ANKRD62: variants seen among roughly 807,000 people sequenced by gnomAD.
The protein encoded by ANKRD62 is ankyrin repeat domain-containing protein 62.
Under a neutral mutation model 98.8 loss-of-function variants are expected in ANKRD62, and 61 were observed. The observed-to-expected ratio is 0.62, with a 90% CI of 0.50 to 0.76. The LOEUF (loss-of-function observed/expected upper bound fraction) is 0.76. ANKRD62 is among the 30% of genes least tolerant of loss of function. The pLI is 0.00. For missense variants in ANKRD62, 933 were observed against 1,082.9 expected, an observed-to-expected ratio of 0.86 and a Z score of 1.94; for synonymous variants, 341 against 367.9, an observed-to-expected ratio of 0.93 and a Z score of 0.84.
chr18:12,145,098 G>A, the ANKRD62 span, among the ~76,000 whole-genome samples: 1 of 151,986 alleles, frequency 6.6e-6, no homozygotes, highest in Non-Finnish European at 1.5e-5. Flanking sequence ...AGCCGAGATT[G>A]CACCATGTTT....
the ANKRD62 span, among the ~76,000 whole-genome samples, chr18:12,151,039 A>G: frequency 6.6e-6 from 1 of 152,232 alleles, no homozygotes; most frequent in Admixed American, 6.5e-5. Flanking sequence ...TCTTCAAGAA[A>G]CGTGTCTAAC....
chr18:12,117,718 G>A (rs2143922131), intron 10 of ANKRD62, among the ~76,000 whole-genome samples: 1 of 152,300 alleles, frequency 6.6e-6, no homozygotes, highest in South Asian at 2.1e-4. Flanking sequence ...TATCTGTCGA[G>A]ATGATTCTGT....
chr18:12,093,914 C>T lies in ANKRD62; in HGVS notation c.-104C>T. On this transcript the variant is annotated 5_prime_UTR_variant, in exon 1 of 14. Coordinates refer to ENST00000587848, the MANE Select transcript of ANKRD62 (RefSeq NM_001277333.2). ...GTCCCTGACGGAGGTTGCGGCTGGA[C>T]CTGGTTACGTGCTGGTGCTGCGCTC... The T allele has an allele frequency of 1.7e-6, 2 of 1,146,100 alleles. No homozygotes were observed. The allele number at this position is 1,146,100 out of a possible 1,614,324, so 71.0% of individuals were successfully genotyped here. A position where few individuals can be genotyped will look rare whatever the true frequency, so the allele number is the denominator to read the frequency against.
Position 12,128,470 on chromosome 18 carries a change from T to C in ANKRD62, c.*531T>C, listed in dbSNP as rs1163641078. The stretch of plus-strand genomic sequence containing the variant: ...TTTGCCAACATGTATGTGTCTACTT[T>C]CTCTTGCTTAAAACAAAAACAAAAA... On this transcript the variant is annotated 3_prime_UTR_variant, in exon 14 of 14. Coordinates refer to ENST00000587848, the MANE Select transcript of ANKRD62 (RefSeq NM_001277333.2). The C allele has an allele frequency of 5.3e-5, 8 of 152,268 alleles. No individual in the cohort carries two copies. The highest frequency in any genetic ancestry group is 1.2e-4 in the Non-Finnish European group (8 of 68,050). 9.4% of individuals were successfully genotyped at this position (152,268 alleles called of 1,614,324 possible).
chr18:12,121,255 C>A (rs2143927452), intron 10 of ANKRD62, among the ~76,000 whole-genome samples: 1 of 152,246 alleles, frequency 6.6e-6, no homozygotes, highest in East Asian at 1.9e-4. Flanking sequence ...AAACAGAATT[C>A]TTTTTGTTCT....
the ANKRD62 span, among the ~76,000 whole-genome samples, chr18:12,156,059 T>C: frequency 3.3e-5 from 5 of 149,474 alleles, no homozygotes; most frequent in African/African-American, 1.2e-4. Flanking sequence ...CTCTCTCTCT[T>C]TCTCTCTCTC....
downstream of ANKRD62, among the ~76,000 whole-genome samples, chr18:12,133,971 A>G (rs1568068861): frequency 6.6e-6 from 1 of 152,094 alleles, no homozygotes; most frequent in Non-Finnish European, 1.5e-5. Context: ...TACCCAAATA[A>G]TTTCCCACTT....
the ANKRD62 span, among the ~76,000 whole-genome samples, chr18:12,157,313 G>A: frequency 6.6e-6 from 1 of 152,074 alleles, no homozygotes; most frequent in Non-Finnish European, 1.5e-5. Context: ...AAGTAACCAC[G>A]ACCATGATCA....
rs1568057099 is a variant in ANKRD62 at position 12,095,595 on chromosome 18, T to C, written c.492T>C (p.Ile164=). 1 of 1,521,308 alleles carries C rather than the reference T, an allele frequency of 6.6e-7. No individual in the cohort carries two copies. Among genetic ancestry groups the C allele is most frequent in the Non-Finnish European group, 8.8e-7 (1 of 1,138,958 alleles). The allele number at this position is 1,521,308 out of a possible 1,614,324, so 94.2% of individuals were successfully genotyped here. Residue 164 remains isoleucine (I), a synonymous_variant, in exon 3 of 14, where the codon ATT becomes ATC. Transcript: ENST00000587848. ...ARKLLAYGAD[I]EARSQDGHTS... is the part of the protein sequence containing the mutation. ...AACTGCTTGCATATGGTGCAGATATTGAAGCAAGAAGCCAGGTATGATCAA... is the reference window on the plus strand; with the variant it reads ...AACTGCTTGCATATGGTGCAGATATCGAAGCAAGAAGCCAGGTATGATCAA...
At chr18:12,107,737 A>G (rs1311217619) in intron 8 of ANKRD62, among the ~76,000 whole-genome samples, 2 of 152,200 alleles carry the variant, frequency 1.3e-5, no homozygotes, top group Non-Finnish European at 2.9e-5. Context: ...ATCTTTATTG[A>G]AGGGTAGTTC....
chr18:12,169,526 C>T, the ANKRD62 span, among the ~76,000 whole-genome samples: 1 of 152,194 alleles, frequency 6.6e-6, no homozygotes, highest in African/African-American at 2.4e-5. Context: ...CTGCTGGTTT[C>T]TGTTTGCCAG....
At chr18:12,123,892 T>A (rs919017141) in intron 11 of ANKRD62, among the ~76,000 whole-genome samples, 8 of 152,210 alleles carry the variant, frequency 5.3e-5, no homozygotes, top group Non-Finnish European at 7.4e-5. Context: ...GCTAACAATT[T>A]TCAACATCCT....
chr18:12,167,667 G>A, the ANKRD62 span, among the ~76,000 whole-genome samples: 12 of 152,262 alleles, frequency 7.9e-5, no homozygotes, highest in African/African-American at 2.9e-4. Flanking sequence ...AGGATCACTA[G>A]GTCAAATGGT....
Position 12,127,760 on chromosome 18 carries a change from C to A in ANKRD62, c.2575C>A (p.Gln859Lys). 1 of 1,414,512 alleles carries A rather than the reference C, an allele frequency of 7.1e-7. No individual in the cohort carries two copies. Among genetic ancestry groups the A allele is most frequent in the South Asian group, 1.7e-5 (1 of 60,208 alleles). The allele number at this position is 1,414,512 out of a possible 1,614,324, so 87.6% of individuals were successfully genotyped here. A position where few individuals can be genotyped will look rare whatever the true frequency, so the allele number is the denominator to read the frequency against. Residue 859 changes from glutamine (Q) to lysine (K), a missense_variant, in exon 14 of 14, where the codon CAG becomes AAG. Gln to Lys is a moderately conservative substitution (Grantham distance 53). This residue lies in a region of ANKRD62 where 362 missense variants were observed against 434.5 expected (regional missense o/e 0.83). Coordinates refer to ENST00000587848, the MANE Select transcript of ANKRD62 (RefSeq NM_001277333.2). ...AACATCTTACCAGGTAGTCAGGAGA[C>A]AGCTTCAACGAGAAGTGGATGATGC... The part of the protein sequence containing the change: ...EKEEREVVRR[Q>K]LQREVDDALN...
the ANKRD62 span, among the ~76,000 whole-genome samples, chr18:12,151,683 C>T: frequency 1.3e-5 from 2 of 152,124 alleles, no homozygotes; most frequent in African/African-American, 4.8e-5. Context: ...ATCAACCTCA[C>T]AGCTCGCAGA....
At chr18:12,161,704 C>T in the ANKRD62 span, among the ~76,000 whole-genome samples, 3 of 152,084 alleles carry the variant, frequency 2.0e-5, no homozygotes, top group Admixed American at 2.0e-4. Context: ...CTCTGGCAAC[C>T]ATCCTTCTAC....
At position 12,107,323 on chromosome 18, in the gene ANKRD62, A is replaced by T. The variant is rs1909435634; in HGVS notation, c.920A>T (p.Asn307Ile). Residue 307 changes from asparagine to isoleucine, a missense_variant, in exon 8 of 14, where the codon AAT becomes ATT. Asn to Ile is a moderately radical substitution (Grantham distance 149). This residue lies in a region of ANKRD62 where 549 missense variants were observed against 587.9 expected (regional missense o/e 0.93). Transcript: ENST00000587848. ...GAAGAAAAAATGAAGAAATGCAGAA[A>T]TAAGAAAATGGAAGTGTCAAGAAAC... Reference protein sequence around the residue: ...QVEEKMKKCRNKKMEVSRNVH... With the variant: ...QVEEKMKKCRIKKMEVSRNVH... 1.3e-6 allele frequency: 2 copies of T among 1,494,054 alleles called. No individual in the cohort carries two copies. The highest frequency in any genetic ancestry group is 2.8e-5 in the African/African-American group (2 of 71,190). 92.5% of individuals were successfully genotyped at this position (1,494,054 alleles called of 1,614,324 possible).
chr18:12,140,196 A>T, the ANKRD62 span, among the ~76,000 whole-genome samples: 2 of 152,282 alleles, frequency 1.3e-5, no homozygotes, highest in African/African-American at 4.8e-5. Context: ...TTTCAGCTCC[A>T]TCAGGTCCTT....
At chr18:12,153,947 A>G in the ANKRD62 span, among the ~76,000 whole-genome samples, 1 of 152,218 alleles carries the variant, frequency 6.6e-6, no homozygotes, top group Non-Finnish European at 1.5e-5. Context: ...CCATACATAC[A>G]AGTCAACTCA....
Sources: gnomAD v4.1 joint callset for allele counts (sites outside exome capture counted in the v4.1 genomes callset) on GRCh38, gnomAD v4.1.1 for gene constraint, gnomAD v4.1.1 regional missense constraint, MANE v1.5 for transcripts, NCBI Gene and HGNC (gene_info 2026-07-23, HGNC 2026-07-21) for gene names.